Variants in DCC observed in about 807,000 individuals in gnomAD.
The protein encoded by DCC is netrin receptor DCC.
A neutral mutation model predicts 172.5 loss-of-function variants in DCC; 58 were observed. The ratio of observed to expected loss-of-function variants is 0.34; its 90% CI spans 0.27 to 0.42. DCC has a LOEUF of 0.42. Ranked by LOEUF, DCC falls within the 10% of genes least tolerant of loss-of-function variation. The pLI is 1.00. For missense variants in DCC, 1,740 were observed against 1,791.0 expected (o/e 0.97, Z 0.51); for synonymous variants, 709 against 644.5 (o/e 1.10, Z -1.52).
intron 12 of DCC, among the ~76,000 whole-genome samples, chr18:53,219,464 C>A (rs761166124): frequency 6.6e-6 from 1 of 152,064 alleles, no homozygotes; most frequent in East Asian, 1.9e-4. Context: ...CCCTTTCCCC[C>A]CAAAACCCCA....
intron 1 of DCC, among the ~76,000 whole-genome samples, chr18:52,392,408 G>T (rs1598779098): frequency 6.6e-6 from 1 of 152,166 alleles, no homozygotes; most frequent in Admixed American, 6.5e-5. Context: ...CTATTAATAG[G>T]ATGACTGCAC....
intron 12 of DCC, among the ~76,000 whole-genome samples, chr18:53,226,247 A>T (rs1340205792): frequency 6.6e-6 from 1 of 152,206 alleles, no homozygotes; most frequent in Non-Finnish European, 1.5e-5. Context: ...TTAGGTTCTC[A>T]GTGGGAATTT....
chr18:52,687,692 A>T (rs1216445504), intron 1 of DCC, among the ~76,000 whole-genome samples: 1 of 152,146 alleles, frequency 6.6e-6, no homozygotes, highest in African/African-American at 2.4e-5. Flanking sequence ...GAATTATTTT[A>T]AAAAGCAAGT....
intron 1 of DCC, among the ~76,000 whole-genome samples, chr18:52,624,142 G>C (rs1298546232): frequency 6.6e-6 from 1 of 151,910 alleles, no homozygotes; most frequent in African/African-American, 2.4e-5. Context: ...CCTCAATAAA[G>C]CATTTTTTCA....
At chr18:52,737,110 A>G (rs564834744) in intron 1 of DCC, among the ~76,000 whole-genome samples, 2 of 152,320 alleles carry the variant, frequency 1.3e-5, no homozygotes, top group East Asian at 3.9e-4. Context: ...CTATTCCTAA[A>G]TGGTGCTCAG....
At chr18:53,459,124 C>G in intron 23 of DCC, 108 bp from the exon 24 acceptor site, 1 of 905,870 alleles carries the variant, frequency 1.1e-6, no homozygotes, top group Non-Finnish European at 1.8e-6. Context: ...GCTCATTCTG[C>G]GAGTCCTTTT....
At chr18:53,373,797 C>T (rs957099843) in intron 15 of DCC, among the ~76,000 whole-genome samples, 10 of 151,992 alleles carry the variant, frequency 6.6e-5, no homozygotes, top group Non-Finnish European at 1.5e-4. Context: ...AATCTTATTG[C>T]CATTGCCATG....
chr18:53,436,181 A>G (rs1222635552), intron 22 of DCC, among the ~76,000 whole-genome samples: 2 of 152,178 alleles, frequency 1.3e-5, no homozygotes, highest in African/African-American at 2.4e-5. Context: ...TAAACATTAT[A>G]TTGTTTTACA....
At chr18:53,157,633 T>C (rs1390201034) in intron 8 of DCC, 121 bp downstream of exon 8, 2 of 948,786 alleles carry the variant, frequency 2.1e-6, no homozygotes, top group African/African-American at 1.6e-5. Flanking sequence ...ATCTCTACTA[T>C]GTCCTTCACT....
chr18:52,646,091 C>G (rs1365601482), intron 1 of DCC, among the ~76,000 whole-genome samples: 1 of 152,184 alleles, frequency 6.6e-6, no homozygotes, highest in African/African-American at 2.4e-5. Flanking sequence ...TTGGGTTGAT[C>G]TGCCAGGGAC....
At chr18:53,369,495 TCTGA>T (rs2058039038) in intron 15 of DCC, among the ~76,000 whole-genome samples, 1 of 151,956 alleles carries the variant, frequency 6.6e-6, no homozygotes, top group African/African-American at 2.4e-5. Flanking sequence ...GCCTAATTGC[TCTGA>T]CTAAAACTTT....
chr18:53,354,446 C>A (rs142514917), intron 15 of DCC, among the ~76,000 whole-genome samples: 15,928 of 151,972 alleles, frequency 0.1, 898 homozygotes, highest in Middle Eastern at 0.2. Context: ...CTTTTTAATG[C>A]TCGCCATTCT....
intron 7 of DCC, among the ~76,000 whole-genome samples, chr18:53,091,821 A>G (rs1359355685): frequency 1.4e-5 from 1 of 70,882 alleles, no homozygotes; most frequent in Admixed American, 1.5e-4. Context: ...ATATCTATCT[A>G]TCTATCTATC....
chr18:52,398,518 A>T (rs1035276572), intron 1 of DCC, among the ~76,000 whole-genome samples: 1 of 151,944 alleles, frequency 6.6e-6, no homozygotes, highest in Non-Finnish European at 1.5e-5. Flanking sequence ...ACACTTTTTC[A>T]ATCATCTCTC....
At chr18:52,997,163 C>T (rs1457761366) in intron 5 of DCC, among the ~76,000 whole-genome samples, 1 of 152,048 alleles carries the variant, frequency 6.6e-6, no homozygotes, top group Non-Finnish European at 1.5e-5. Context: ...AAGGTACAGG[C>T]CACATCTGCA....
chr18:53,145,272 C>T (rs951134493), intron 7 of DCC, among the ~76,000 whole-genome samples: 5 of 151,990 alleles, frequency 3.3e-5, no homozygotes, highest in African/African-American at 1.2e-4. Context: ...CGCCACCACG[C>T]CCCGCTAATT....
chr18:52,556,169 C>T (rs113344991), intron 1 of DCC, among the ~76,000 whole-genome samples: 5 of 152,122 alleles, frequency 3.3e-5, no homozygotes, highest in Non-Finnish European at 7.4e-5. Context: ...TCATAGAAAT[C>T]GCTACCTTGG....
chr18:52,698,479 A>C (rs1278678399), intron 1 of DCC, among the ~76,000 whole-genome samples: 4 of 152,100 alleles, frequency 2.6e-5, no homozygotes, highest in Admixed American at 2.0e-4. Context: ...ATTTATTGAG[A>C]TGATTGTCTA....
intron 3 of DCC, among the ~76,000 whole-genome samples, chr18:52,922,289 G>A (rs1279302599): frequency 6.6e-6 from 1 of 152,146 alleles, no homozygotes; most frequent in Non-Finnish European, 1.5e-5. Flanking sequence ...AACAATTACT[G>A]TCTCAACTAC....
Sources: gnomAD v4.1 joint callset for allele counts (sites outside exome capture counted in the v4.1 genomes callset) on GRCh38, gnomAD v4.1.1 for gene constraint, MANE v1.5 for transcripts, NCBI Gene and HGNC (gene_info 2026-07-23, HGNC 2026-07-21) for gene names.